PLPP1: variants seen among roughly 807,000 people sequenced by gnomAD.
PLPP1 encodes lipid phosphate phosphohydrolase 1a.
Under a neutral mutation model 31.2 loss-of-function variants are expected in PLPP1, and 24 were observed. That is an observed-to-expected ratio of 0.77 (90% CI 0.56 to 1.08). The LOEUF is 1.08. PLPP1 is among the 50% of genes least tolerant of loss of function. PLPP1 has a pLI of 0.00. For missense variants in PLPP1, 319 were observed against 342.7 expected, an observed-to-expected ratio of 0.93 and a Z score of 0.55; for synonymous variants, 146 against 126.3, an observed-to-expected ratio of 1.16 and a Z score of -1.05.
chr5:55,458,728 A>G (rs566976825), intron 3 of PLPP1, among the ~76,000 whole-genome samples: 62 of 152,022 alleles, frequency 4.1e-4, no homozygotes, highest in African/African-American at 1.4e-3. Context: ...TCTCTACTAA[A>G]AATGCAAAAA....
In PLPP1 at chr5:55,490,924, A is replaced by G. The variant is rs778026394; in HGVS notation, c.59-15474T>C. The stretch of plus-strand genomic sequence containing the variant: ...CATGCTTCATCCAACCTCCAGCACA[A>G]CAAACCCATCACTACCTACTTATTA... On this transcript the variant is annotated intron_variant, in intron 1 of 5. Transcript: ENST00000307259. The G allele has an allele frequency of 3.2e-6, 5 of 1,582,336 alleles. No homozygotes were observed. In the Admixed American group the frequency reaches 8.6e-5, roughly 27 times the overall value.
At chr5:55,520,589 T>A (rs1206019578) in intron 1 of PLPP1, among the ~76,000 whole-genome samples, 2 of 152,212 alleles carry the variant, frequency 1.3e-5, no homozygotes, top group African/African-American at 2.4e-5. Flanking sequence ...TCTTTCCTCA[T>A]TAGATGACGA....
chr5:55,513,530 C>T (rs1753487833), intron 1 of PLPP1, among the ~76,000 whole-genome samples: 1 of 152,068 alleles, frequency 6.6e-6, no homozygotes, highest in African/African-American at 2.4e-5. Context: ...CCTTGGCCTC[C>T]CAAAGTGCTG....
At chr5:55,446,785 G>T (rs774625763) in intron 3 of PLPP1, among the ~76,000 whole-genome samples, 10 of 152,186 alleles carry the variant, frequency 6.6e-5, no homozygotes, top group Non-Finnish European at 1.5e-4. Context: ...CTGTGTTTAA[G>T]AATTCTTTTT....
At chr5:55,430,734 C>G (rs1751328846) in intron 4 of PLPP1, among the ~76,000 whole-genome samples, 1 of 151,874 alleles carries the variant, frequency 6.6e-6, no homozygotes, top group Admixed American at 6.6e-5. Context: ...GCAACAGATT[C>G]CAATGAAGAA....
intron 1 of PLPP1, among the ~76,000 whole-genome samples, chr5:55,482,424 T>A (rs562329536): frequency 6.6e-6 from 1 of 152,290 alleles, no homozygotes; most frequent in South Asian, 2.1e-4. Context: ...TTTTGTAGTT[T>A]TTCATAAAAT....
intron 1 of PLPP1, among the ~76,000 whole-genome samples, 162 bp downstream of exon 1, chr5:55,534,410 G>A (rs1212225372): frequency 1.3e-5 from 2 of 152,220 alleles, no homozygotes; most frequent in African/African-American, 4.8e-5. Flanking sequence ...CCGGGGTGCA[G>A]GCTGCAAAGC....
At chr5:55,464,983 C>G (rs1260369378) in intron 3 of PLPP1, among the ~76,000 whole-genome samples, 1 of 151,438 alleles carries the variant, frequency 6.6e-6, no homozygotes, top group Non-Finnish European at 1.5e-5. Context: ...CGACTAGTAT[C>G]TATTCTATTT....
chr5:55,496,789 G>T (rs561978990), intron 1 of PLPP1, among the ~76,000 whole-genome samples: 2 of 152,258 alleles, frequency 1.3e-5, no homozygotes, highest in African/African-American at 4.8e-5. Flanking sequence ...GATGTAAACA[G>T]ATGTTCCCAT....
At chr5:55,476,795 G>A (rs1752559725) in intron 1 of PLPP1, among the ~76,000 whole-genome samples, 1 of 152,140 alleles carries the variant, frequency 6.6e-6, no homozygotes, top group Admixed American at 6.6e-5. Flanking sequence ...CTGCCTGAGT[G>A]TATTTACCAC....
chr5:55,531,913 G>A (rs1199950280), intron 1 of PLPP1, among the ~76,000 whole-genome samples: 1 of 152,030 alleles, frequency 6.6e-6, no homozygotes, highest in Non-Finnish European at 1.5e-5. Context: ...TTAGGAAAAG[G>A]GAATTCTGAG....
intron 4 of PLPP1, among the ~76,000 whole-genome samples, chr5:55,428,807 T>C (rs1751272080): frequency 6.6e-6 from 1 of 152,198 alleles, no homozygotes; most frequent in Admixed American, 6.5e-5. Flanking sequence ...GCCAACCTTA[T>C]CTATTAAACC....
At chr5:55,512,121 C>A (rs950052540) in intron 1 of PLPP1, among the ~76,000 whole-genome samples, 9 of 151,140 alleles carry the variant, frequency 6.0e-5, no homozygotes, top group Non-Finnish European at 1.2e-4. Flanking sequence ...AAGAGCAAAA[C>A]TCCTCGAAAA....
chr5:55,447,271 C>G (rs1751786316), intron 3 of PLPP1, among the ~76,000 whole-genome samples: 1 of 152,146 alleles, frequency 6.6e-6, no homozygotes, highest in South Asian at 2.1e-4. Context: ...GTTTCAGCAA[C>G]AGCGGTTTGT....
chr5:55,447,373 A>G (rs1751789190), intron 3 of PLPP1, among the ~76,000 whole-genome samples: 1 of 152,246 alleles, frequency 6.6e-6, no homozygotes, highest in Non-Finnish European at 1.5e-5. Flanking sequence ...GTTCTGCTAC[A>G]AATTAGAATT....
intron 1 of PLPP1, among the ~76,000 whole-genome samples, chr5:55,530,986 C>T (rs1025850654): frequency 3.9e-5 from 6 of 152,208 alleles, no homozygotes; most frequent in African/African-American, 1.2e-4. Flanking sequence ...CGATGCCCTA[C>T]AACAACATCG....
chr5:55,435,111 A>C (rs1177625983), intron 4 of PLPP1, among the ~76,000 whole-genome samples: 1 of 152,242 alleles, frequency 6.6e-6, no homozygotes, highest in Admixed American at 6.5e-5. Flanking sequence ...TCTCAAAAGA[A>C]GACGTACAAA....
chr5:55,432,613 T>C (rs951821786), intron 4 of PLPP1, among the ~76,000 whole-genome samples: 1 of 151,784 alleles, frequency 6.6e-6, no homozygotes, highest in Non-Finnish European at 1.5e-5. Context: ...TGAACACAGA[T>C]GCAAAAATCC....
In PLPP1 at chr5:55,425,017, T is replaced by A; in HGVS notation, c.*189A>T. On this transcript the variant is annotated 3_prime_UTR_variant, in exon 6 of 6. Coordinates refer to ENST00000307259, the MANE Select transcript of PLPP1 (RefSeq NM_003711.4). The stretch of plus-strand genomic sequence containing the variant: ...GAAGGCTTGGAGTTTTTTTAATGAG[T>A]TTAGAGCTATTAGATAACCACTGAG... 3.7e-6 allele frequency: 3 copies of A among 809,528 alleles called. No homozygotes were observed. Among genetic ancestry groups the A allele is most frequent in the Non-Finnish European group, 5.8e-6 (3 of 520,752 alleles). The allele number at this position is 809,528 out of a possible 1,614,324, so 50.1% of individuals were successfully genotyped here.
Sources: allele counts gnomAD v4.1 joint callset (sites outside exome capture counted in the v4.1 genomes callset), GRCh38; gene constraint gnomAD v4.1.1; transcripts MANE v1.5; gene names NCBI Gene and HGNC (gene_info 2026-07-23, HGNC 2026-07-21).